UBAC2: variants seen among roughly 807,000 people sequenced by gnomAD.
UBAC2 encodes UBA domain containing 2.
UBAC2 carries 26 observed loss-of-function variants against 44.0 expected under a neutral mutation model. The ratio of observed to expected loss-of-function variants is 0.59; its 90% CI spans 0.43 to 0.82. The LOEUF is 0.82. UBAC2 is among the 40% of genes least tolerant of loss of function. The pLI is 0.00. For synonymous variants in UBAC2, 155 were observed against 154.3 expected (o/e 1.00, Z -0.04); for missense variants, 329 against 419.4 (o/e 0.78, Z 1.88).
At chr13:99,216,553 C>T (rs1374625505) in intron 1 of UBAC2, among the ~76,000 whole-genome samples, 1 of 152,154 alleles carries the variant, frequency 6.6e-6, no homozygotes, top group African/African-American at 2.4e-5. Context: ...TCAGGGCAGG[C>T]AGAAACTGGT....
chr13:99,257,930 A>T (rs971718607), intron 4 of UBAC2, among the ~76,000 whole-genome samples: 4 of 152,206 alleles, frequency 2.6e-5, no homozygotes, highest in Admixed American at 1.3e-4. Flanking sequence ...ATAGTTTGTT[A>T]TGTTTATTTT....
chr13:99,375,798 T>TC (rs1566529109), intron 8 of UBAC2, among the ~76,000 whole-genome samples: 1 of 141,882 alleles, frequency 7.0e-6, no homozygotes, highest in East Asian at 2.0e-4. Flanking sequence ...TTTTCCTTTT[T>TC]CCCTTTTTTT....
intron 2 of UBAC2, among the ~76,000 whole-genome samples, chr13:99,239,076 G>C (rs1464081475): frequency 6.6e-6 from 1 of 152,188 alleles, no homozygotes; most frequent in Non-Finnish European, 1.5e-5. Flanking sequence ...CTAGTACTGG[G>C]TTCTTGTCTA....
chr13:99,229,277 C>A (rs577140848), intron 1 of UBAC2, among the ~76,000 whole-genome samples: 1 of 152,274 alleles, frequency 6.6e-6, no homozygotes, highest in South Asian at 2.1e-4. Flanking sequence ...AAAGTAGAAA[C>A]AACTGTAATT....
intron 4 of UBAC2, among the ~76,000 whole-genome samples, chr13:99,251,508 T>G (rs1252927860): frequency 6.6e-6 from 1 of 152,204 alleles, no homozygotes; most frequent in East Asian, 1.9e-4. Context: ...TCTTGTCTAC[T>G]TTTTTACAGT....
At chr13:99,368,019 A>G in intron 8 of UBAC2, 113 bp downstream of exon 8, 1 of 1,320,600 alleles carries the variant, frequency 7.6e-7, no homozygotes, top group Non-Finnish European at 1.0e-6. Context: ...AGATGGTGAC[A>G]GCAGTCCATC....
intron 4 of UBAC2, among the ~76,000 whole-genome samples, chr13:99,313,753 C>T (rs957412103): frequency 2.0e-5 from 3 of 152,160 alleles, no homozygotes; most frequent in East Asian, 1.9e-4. Flanking sequence ...CTGAAGAATT[C>T]TAATGTTTGC....
intron 7 of UBAC2, among the ~76,000 whole-genome samples, chr13:99,345,996 C>T (rs2044973700): frequency 2.0e-5 from 3 of 152,172 alleles, no homozygotes; most frequent in Admixed American, 2.0e-4. Context: ...TTGCCTTGGC[C>T]TCCCAAAGTG....
chr13:99,377,277 C>G (rs1007587989), intron 8 of UBAC2: 2 of 152,336 alleles, frequency 1.3e-5, no homozygotes, highest in African/African-American at 2.4e-5. Context: ...CCAACTCATG[C>G]AAGTACCTAG....
intron 7 of UBAC2, among the ~76,000 whole-genome samples, chr13:99,349,961 G>A (rs1457714920): frequency 7.9e-5 from 12 of 152,080 alleles, no homozygotes; most frequent in Non-Finnish European, 1.3e-4. Flanking sequence ...GGGTGTCTTC[G>A]CAGACACTGG....
Position 99,385,412 on chromosome 13 carries a change from G to C in UBAC2, c.*77G>C. 2 of 1,204,604 alleles carry C rather than the reference G, an allele frequency of 1.7e-6. No homozygotes were observed. The highest frequency in any genetic ancestry group is 2.4e-5 in the East Asian group (1 of 42,148). The allele number at this position is 1,204,604 out of a possible 1,614,324, so 74.6% of individuals were successfully genotyped here. A position where few individuals can be genotyped will look rare whatever the true frequency, so the allele number is the denominator to read the frequency against. ...GTCCCCACCATCAGATCAGCCCGGG[G>C]ACCGAGCATCTCTGGTGCTGATGTT... On this transcript the variant is annotated 3_prime_UTR_variant, in exon 9 of 9. Transcript: ENST00000403766.
intron 6 of UBAC2, among the ~76,000 whole-genome samples, chr13:99,339,991 T>A (rs1566510455): frequency 6.6e-6 from 1 of 152,220 alleles, no homozygotes; most frequent in Non-Finnish European, 1.5e-5. Context: ...TGTGAAAGTG[T>A]TTCAATAATC....
chr13:99,201,490 T>A (rs767616627), intron 1 of UBAC2: 4 of 1,613,976 alleles, frequency 2.5e-6, no homozygotes, highest in Non-Finnish European at 3.4e-6. Flanking sequence ...TGGAGGGAAG[T>A]TAGGAAGTCG....
At chr13:99,367,020 A>C (rs1355150630) in intron 7 of UBAC2, among the ~76,000 whole-genome samples, 1 of 152,254 alleles carries the variant, frequency 6.6e-6, no homozygotes, top group African/African-American at 2.4e-5. Flanking sequence ...ATAAATTCAA[A>C]GATTGCCATA....
chr13:99,278,710 A>G (rs1158088092), intron 4 of UBAC2, among the ~76,000 whole-genome samples: 1 of 152,210 alleles, frequency 6.6e-6, no homozygotes, highest in African/African-American at 2.4e-5. Context: ...GATATTTTAG[A>G]TATCTTCTCT....
intron 7 of UBAC2, among the ~76,000 whole-genome samples, chr13:99,347,309 A>G (rs1263578474): frequency 1.2e-5 from 1 of 80,670 alleles, no homozygotes; most frequent in African/African-American, 4.3e-5. Context: ...AGACGTTACT[A>G]TCCCCGGGCG....
intron 1 of UBAC2, among the ~76,000 whole-genome samples, chr13:99,219,501 C>G (rs935806867): frequency 4.1e-4 from 62 of 152,178 alleles, no homozygotes; most frequent in Non-Finnish European, 1.8e-4. Context: ...ACCCTGCAGC[C>G]CATGGGCCAT....
intron 7 of UBAC2, among the ~76,000 whole-genome samples, chr13:99,356,438 G>A (rs1328294219): frequency 6.6e-6 from 1 of 152,224 alleles, no homozygotes; most frequent in African/African-American, 2.4e-5. Flanking sequence ...TGAGCAACAG[G>A]ATGTATTGTG....
chr13:99,258,989 C>G lies in UBAC2; in HGVS notation c.389+14365C>G, dbSNP rs548166516. On this transcript the variant is annotated intron_variant, in intron 4 of 8. Transcript: ENST00000403766. Reference sequence around the variant, plus strand: ...CTTTAGTTTGCTGTATTTTGTAAGTCTGCTTTTCTAGTGCGTGGAAGTCTA... The same window carrying G: ...CTTTAGTTTGCTGTATTTTGTAAGTGTGCTTTTCTAGTGCGTGGAAGTCTA... 7.9e-5 allele frequency among the ~76,000 whole-genome samples: 12 copies of G among 152,304 alleles called. No individual in the cohort carries two copies. The South Asian group carries it at 2.5e-3, about 32-fold the overall frequency.
Sources: gnomAD v4.1 joint callset for allele counts (sites outside exome capture counted in the v4.1 genomes callset) on GRCh38, gnomAD v4.1.1 for gene constraint, MANE v1.5 for transcripts, NCBI Gene and HGNC (gene_info 2026-07-23, HGNC 2026-07-21) for gene names.